Variants in FNDC3B observed in about 807,000 individuals in gnomAD.
The protein encoded by FNDC3B is fibronectin type III domain-containing protein 3B.
FNDC3B carries 12 observed loss-of-function variants against 151.5 expected under a neutral mutation model. That is an observed-to-expected ratio of 0.08 (90% CI 0.05 to 0.13). The LOEUF (loss-of-function observed/expected upper bound fraction) is 0.13, where lower values mean the gene tolerates loss of function less well. Ranked by LOEUF, FNDC3B falls within the 10% of genes least tolerant of loss-of-function variation. FNDC3B has a pLI of 1.00. For synonymous variants in FNDC3B, 528 were observed against 549.0 expected, an observed-to-expected ratio of 0.96 and a Z score of 0.54; for missense variants, 1,214 against 1,505.3, an observed-to-expected ratio of 0.81 and a Z score of 3.20.
In FNDC3B at chr3:172,285,964, T is replaced by A. The variant is rs747760173; in HGVS notation, c.829T>A (p.Ser277Thr). 1 of 1,612,832 alleles carries A rather than the reference T, an allele frequency of 6.2e-7. No homozygotes were observed. The highest frequency in any genetic ancestry group is 8.5e-7 in the Non-Finnish European group (1 of 1,179,222). Residue 277 changes from serine (S) to threonine (T), a missense_variant, in exon 7 of 26, where the codon TCG (serine) becomes ACG (threonine). Around this residue, in one of 7 missense-constraint regions of FNDC3B, gnomAD observed 156 missense variants for 225.3 expected, o/e 0.69. Coordinates refer to ENST00000415807, the MANE Select transcript of FNDC3B (RefSeq NM_022763.4). Reference protein sequence around the residue: ...LEVKRVQDILSGIEKPQVSNI... With the variant: ...LEVKRVQDILTGIEKPQVSNI... ...AGTAAAGAGGGTGCAAGACATTCTT[T>A]CGGGAATAGAGAAACCACAGGTATG...
chr3:172,193,959 G>A (rs1263318102), intron 3 of FNDC3B, among the ~76,000 whole-genome samples: 1 of 152,140 alleles, frequency 6.6e-6, no homozygotes, highest in African/African-American at 2.4e-5. Flanking sequence ...GGTGGCTCAC[G>A]TCTGTAATCC....
At position 172,199,640 on chromosome 3, in the gene FNDC3B, T is replaced by C. The variant is rs552236433; in HGVS notation, c.188-27231T>C. 1.2e-4 allele frequency among the ~76,000 whole-genome samples: 19 copies of C among 152,334 alleles called. No homozygotes were observed. The East Asian group carries it at 3.7e-3, about 29-fold the overall frequency. ...TTTACCATAGGCTAATTGATATAAA[T>C]AGAATTAAATTCCTGTGGCATATTT... On this transcript the variant is annotated intron_variant, in intron 3 of 25. Coordinates refer to ENST00000415807, the MANE Select transcript of FNDC3B (RefSeq NM_022763.4).
intron 6 of FNDC3B, among the ~76,000 whole-genome samples, chr3:172,276,817 A>C (rs1487645703): frequency 2.6e-5 from 4 of 152,238 alleles, no homozygotes; most frequent in Non-Finnish European, 5.9e-5. Flanking sequence ...TGCTCCAAAA[A>C]TGTCAACTTT....
chr3:172,072,634 G>T (rs1717833728), intron 1 of FNDC3B, among the ~76,000 whole-genome samples: 5 of 152,272 alleles, frequency 3.3e-5, no homozygotes, highest in Admixed American at 2.6e-4. Context: ...CCTTGTAGAT[G>T]AGTTCTTGCT....
chr3:172,343,433 C>A (rs1733441609), intron 18 of FNDC3B, among the ~76,000 whole-genome samples: 1 of 152,124 alleles, frequency 6.6e-6, no homozygotes, highest in Non-Finnish European at 1.5e-5. Flanking sequence ...AAGTTTTCAA[C>A]TTTATTCATG....
At chr3:172,141,696 A>G (rs1721638815) in intron 3 of FNDC3B, among the ~76,000 whole-genome samples, 1 of 152,110 alleles carries the variant, frequency 6.6e-6, no homozygotes, top group East Asian at 1.9e-4. Flanking sequence ...ACCAAAATAC[A>G]AAAATTAGCT....
chr3:172,152,844 G>A (rs1471342059), intron 3 of FNDC3B, among the ~76,000 whole-genome samples: 4 of 152,066 alleles, frequency 2.6e-5, no homozygotes, highest in Non-Finnish European at 5.9e-5. Flanking sequence ...ATTGATTTTG[G>A]ACTCACTGGG....
intron 1 of FNDC3B, among the ~76,000 whole-genome samples, chr3:172,088,018 T>C (rs1389252281): frequency 6.6e-6 from 1 of 152,204 alleles, no homozygotes; most frequent in Non-Finnish European, 1.5e-5. Flanking sequence ...AGCCATTCGT[T>C]TTTTTCAGAG....
chr3:172,377,384 A>G (rs1442589747), intron 23 of FNDC3B, among the ~76,000 whole-genome samples: 2 of 152,232 alleles, frequency 1.3e-5, no homozygotes, highest in African/African-American at 2.4e-5. Flanking sequence ...AAGTTATGTT[A>G]TTTCCAAAAT....
intron 1 of FNDC3B, among the ~76,000 whole-genome samples, chr3:172,068,617 G>A (rs1202943846): frequency 6.6e-6 from 1 of 151,964 alleles, no homozygotes; most frequent in East Asian, 1.9e-4. Context: ...AAGAGATGGG[G>A]TTCCACCATG....
At chr3:172,201,431 C>T (rs991361487) in intron 3 of FNDC3B, among the ~76,000 whole-genome samples, 38 of 152,122 alleles carry the variant, frequency 2.5e-4, no homozygotes, top group Admixed American at 1.8e-3. Flanking sequence ...TGCGTACGTG[C>T]GGTGGAGTGG....
At chr3:172,252,039 A>C (rs1021137626) in intron 6 of FNDC3B, among the ~76,000 whole-genome samples, 4 of 152,212 alleles carry the variant, frequency 2.6e-5, no homozygotes, top group African/African-American at 9.6e-5. Flanking sequence ...TTGCCTGTGA[A>C]TTAAGTGTTC....
rs17460093 is a variant in FNDC3B, at chr3:172,057,759, C to T, written c.-29+17988C>T. 9.3e-3 allele frequency among the ~76,000 whole-genome samples: 1,406 copies of T among 151,556 alleles called. 19 individuals carry two copies. The highest frequency in any genetic ancestry group is 0.041 in the Middle Eastern group (12 of 294). The stretch of plus-strand genomic sequence containing the variant: ...AATTAAAGGTCAGTTTCTTCAGTGC[C>T]CCACCTCAGTGCATGCCTTGGGCCA... On this transcript the variant is annotated intron_variant, in intron 1 of 25. Transcript: ENST00000415807.
At chr3:172,102,246 G>C (rs1719410095) in intron 1 of FNDC3B, among the ~76,000 whole-genome samples, 1 of 152,178 alleles carries the variant, frequency 6.6e-6, no homozygotes. Flanking sequence ...GACAATACCA[G>C]CTACTTCATA....
intron 8 of FNDC3B, among the ~76,000 whole-genome samples, chr3:172,297,420 A>C (rs1257508246): frequency 3.3e-5 from 5 of 152,150 alleles, no homozygotes; most frequent in African/African-American, 1.2e-4. Context: ...ACTCTGCTTT[A>C]TCATTTGAAC....
intron 22 of FNDC3B, among the ~76,000 whole-genome samples, chr3:172,354,859 G>A (rs958535253): frequency 2.8e-5 from 4 of 142,608 alleles, no homozygotes; most frequent in Admixed American, 2.8e-4. Context: ...TGTTTCTTTT[G>A]TTTGATTTTC....
chr3:172,133,440 T>C, intron 2 of FNDC3B, 31 bp from the exon 3 acceptor site: 1 of 1,558,494 alleles, frequency 6.4e-7, no homozygotes, highest in South Asian at 1.1e-5. Context: ...GGTTCCAGTA[T>C]TAAACTGAAA....
intron 1 of FNDC3B, among the ~76,000 whole-genome samples, chr3:172,074,576 G>C (rs1439296151): frequency 6.6e-6 from 1 of 152,170 alleles, no homozygotes; most frequent in Non-Finnish European, 1.5e-5. Context: ...CTTGTCTTTT[G>C]GCTGTAGAGT....
intron 1 of FNDC3B, among the ~76,000 whole-genome samples, chr3:172,064,038 A>G (rs1717360263): frequency 6.6e-6 from 1 of 152,128 alleles, no homozygotes; most frequent in African/African-American, 2.4e-5. Context: ...AGCTATATGG[A>G]AGGCTGTGGC....
Sources: allele counts gnomAD v4.1 joint callset (sites outside exome capture counted in the v4.1 genomes callset), GRCh38; gene constraint gnomAD v4.1.1; regional missense constraint gnomAD v4.1.1; transcripts MANE v1.5; gene names NCBI Gene and HGNC (gene_info 2026-07-23, HGNC 2026-07-21).